The following CLYBL variants were observed in gnomAD, a reference collection of about 807,000 sequenced individuals.
CLYBL encodes citramalyl-CoA lyase, mitochondrial.
CLYBL carries 31 observed loss-of-function variants against 38.9 expected under a neutral mutation model. The observed-to-expected ratio is 0.80, with a 90% CI of 0.60 to 1.08. The LOEUF (loss-of-function observed/expected upper bound fraction) is 1.08, where lower values mean the gene tolerates loss of function less well. CLYBL is among the 50% of genes least tolerant of loss of function. CLYBL has a pLI of 0.00. For synonymous variants in CLYBL, 171 were observed against 158.6 expected, an observed-to-expected ratio of 1.08 and a Z score of -0.59; for missense variants, 434 against 411.6, an observed-to-expected ratio of 1.05 and a Z score of -0.47.
intron 1 of CLYBL, among the ~76,000 whole-genome samples, chr13:99,619,725 G>A (rs1414683098): frequency 1.3e-5 from 2 of 152,164 alleles, no homozygotes; most frequent in East Asian, 1.9e-4. Context: ...TATCTAGATT[G>A]TGCCTTATTT....
chr13:99,732,512 C>T (rs9513653), intron 1 of CLYBL, among the ~76,000 whole-genome samples: 27,420 of 151,922 alleles, frequency 0.18, 2,646 homozygotes, highest in Admixed American at 0.23. Context: ...TCTTTGGTTT[C>T]GGAGAGAAAT....
chr13:99,883,038 G>A (rs573612224), intron 7 of CLYBL, among the ~76,000 whole-genome samples: 3 of 152,202 alleles, frequency 2.0e-5, no homozygotes, highest in East Asian at 3.9e-4. Flanking sequence ...CTGGACAGAG[G>A]AAAAACACCC....
At chr13:99,659,699 A>G (rs183547217) in intron 1 of CLYBL, among the ~76,000 whole-genome samples, 2 of 152,340 alleles carry the variant, frequency 1.3e-5, no homozygotes, top group East Asian at 3.9e-4. Flanking sequence ...TGAAACTTAC[A>G]TATTGGCATA....
At chr13:99,737,593 ATGACTGGT>A (rs2048688424) in intron 1 of CLYBL, among the ~76,000 whole-genome samples, 2 of 152,190 alleles carry the variant, frequency 1.3e-5, no homozygotes, top group Non-Finnish European at 2.9e-5. Flanking sequence ...CTGGGGACTC[ATGACTGGT>A]TGTTTCTCCT....
At chr13:99,670,770 T>C in intron 1 of CLYBL, among the ~76,000 whole-genome samples, 1 of 152,214 alleles carries the variant, frequency 6.6e-6, no homozygotes, top group East Asian at 1.9e-4. Flanking sequence ...CCTCCACCCA[T>C]GGGAGGTCTC....
chr13:99,625,218 CT>C (rs1475090645), intron 1 of CLYBL, among the ~76,000 whole-genome samples: 1 of 152,244 alleles, frequency 6.6e-6, no homozygotes, highest in African/African-American at 2.4e-5. Flanking sequence ...TTACTCACCC[CT>C]GTCCCTTCTG....
At chr13:99,812,079 C>A (rs982743831) in intron 2 of CLYBL, among the ~76,000 whole-genome samples, 2 of 152,164 alleles carry the variant, frequency 1.3e-5, no homozygotes, top group Non-Finnish European at 2.9e-5. Context: ...AAAGCCTGAC[C>A]TAAACTGCTG....
chr13:99,877,493 C>T, intron 7 of CLYBL: 1 of 310,566 alleles, frequency 3.2e-6, no homozygotes, highest in Non-Finnish European at 6.1e-6. Flanking sequence ...TTTCCTGTAG[C>T]TAATTACATT....
intron 9 of CLYBL, among the ~76,000 whole-genome samples, chr13:99,905,701 G>A (rs921647543): frequency 7.1e-5 from 10 of 141,618 alleles, no homozygotes; most frequent in Non-Finnish European, 1.4e-4. Flanking sequence ...ATAAAAAAGT[G>A]TTTTTTGGTT....
intron 1 of CLYBL, among the ~76,000 whole-genome samples, chr13:99,624,886 C>A (rs1419460411): frequency 6.6e-6 from 1 of 152,176 alleles, no homozygotes; most frequent in Non-Finnish European, 1.5e-5. Flanking sequence ...GGCATCTTAG[C>A]GGGATCCAAA....
At chr13:99,813,769 T>C (rs1211725474) in intron 2 of CLYBL, among the ~76,000 whole-genome samples, 1 of 152,214 alleles carries the variant, frequency 6.6e-6, no homozygotes, top group East Asian at 1.9e-4. Flanking sequence ...TATATACTTA[T>C]ATATAAGTGC....
intron 2 of CLYBL, among the ~76,000 whole-genome samples, chr13:99,782,202 T>G (rs528937558): frequency 2.6e-5 from 4 of 151,936 alleles, no homozygotes; most frequent in Non-Finnish European, 5.9e-5. Flanking sequence ...TACATTTTTG[T>G]TTTTTTTGAA....
At chr13:99,613,591 G>A (rs1475000575) in intron 1 of CLYBL, among the ~76,000 whole-genome samples, 4 of 152,160 alleles carry the variant, frequency 2.6e-5, no homozygotes, top group African/African-American at 7.2e-5. Flanking sequence ...GGAGGACAGA[G>A]GTGGGAGAAG....
chr13:99,877,569 T>C, intron 7 of CLYBL: 1 of 310,288 alleles, frequency 3.2e-6, no homozygotes, highest in Non-Finnish European at 5.8e-6. Context: ...AATTTTGTAA[T>C]TCTTTTTTTT....
chr13:99,790,307 A>G (rs981202221), intron 2 of CLYBL, among the ~76,000 whole-genome samples: 10 of 152,052 alleles, frequency 6.6e-5, no homozygotes, highest in African/African-American at 2.2e-4. Flanking sequence ...GGTCTTTACA[A>G]TTTGTCATGT....
chr13:99,727,052 G>A (rs535828889), intron 1 of CLYBL, among the ~76,000 whole-genome samples: 81 of 152,072 alleles, frequency 5.3e-4, no homozygotes, highest in African/African-American at 1.7e-3. Flanking sequence ...CCAACTACTC[G>A]GGAGGCTGAG....
intron 7 of CLYBL, among the ~76,000 whole-genome samples, chr13:99,877,266 G>A (rs1243655426): frequency 1.3e-5 from 2 of 152,144 alleles, no homozygotes; most frequent in African/African-American, 2.4e-5. Flanking sequence ...CAGCAAGATC[G>A]AAGTGATGGC....
chr13:99,854,406 C>T (rs974959641), intron 2 of CLYBL, among the ~76,000 whole-genome samples: 10 of 151,104 alleles, frequency 6.6e-5, no homozygotes, highest in Admixed American at 2.0e-4. Context: ...CCTTGAATCT[C>T]GTATCCTGTC....
Position 99,838,760 on chromosome 13 carries a change from C to T in CLYBL, c.250-20101C>T, listed in dbSNP as rs368504065. Among the ~76,000 whole-genome samples the T allele has an allele frequency of 1.3e-3, 192 of 152,296 alleles. 1 individual carries two copies. The highest frequency in any genetic ancestry group is 4.1e-3 in the African/African-American group (170 of 41,580). ...ACGCCATTCTCCTGCCTCAGCCTCC[C>T]GAGTAGCTGGGACTACAGGTGTCCG... On this transcript the variant is annotated intron_variant, in intron 2 of 8. Transcript: ENST00000339105.
Sources: allele counts gnomAD v4.1 joint callset (sites outside exome capture counted in the v4.1 genomes callset), GRCh38; gene constraint gnomAD v4.1.1; transcripts MANE v1.5; gene names NCBI Gene and HGNC (gene_info 2026-07-23, HGNC 2026-07-21).